The following ABLIM1 variants were observed in gnomAD, a reference collection of about 807,000 sequenced individuals.
The protein encoded by ABLIM1 is actin-binding LIM protein 1.
Under a neutral mutation model 107.0 loss-of-function variants are expected in ABLIM1, and 40 were observed. The observed-to-expected ratio is 0.37, with a 90% CI of 0.29 to 0.49. ABLIM1 has a LOEUF of 0.49. Among genes scored for constraint, ABLIM1 ranks in the 20% least tolerant of loss-of-function variants. The pLI is 0.97. For synonymous variants in ABLIM1, 357 were observed against 357.3 expected (o/e 1.00, Z 0.01); for missense variants, 857 against 1,008.5 (o/e 0.85, Z 2.04).
intron 6 of ABLIM1, among the ~76,000 whole-genome samples, chr10:114,522,548 C>A (rs1311800118): frequency 6.6e-6 from 1 of 152,088 alleles, no homozygotes; most frequent in Non-Finnish European, 1.5e-5. Context: ...CTGCACAGAA[C>A]CAAGACAATC....
At chr10:114,484,126 G>A (rs1406327467) in intron 8 of ABLIM1, among the ~76,000 whole-genome samples, 1 of 152,082 alleles carries the variant, frequency 6.6e-6, no homozygotes, top group Non-Finnish European at 1.5e-5. Flanking sequence ...CTGTCCCCTT[G>A]CAGTATAGCA....
chr10:114,793,151 CA>C, the ABLIM1 span, among the ~76,000 whole-genome samples: 1 of 151,622 alleles, frequency 6.6e-6, no homozygotes, highest in Admixed American at 6.6e-5. Flanking sequence ...GACACCATCT[CA>C]AAAAAAATAA....
intron 4 of ABLIM1, among the ~76,000 whole-genome samples, chr10:114,554,158 C>T (rs1188883935): frequency 6.6e-6 from 1 of 152,112 alleles, no homozygotes; most frequent in Non-Finnish European, 1.5e-5. Flanking sequence ...GAAAGAAGCA[C>T]AATAACGCCA....
chr10:114,579,875 A>C (rs1247604309), intron 2 of ABLIM1, among the ~76,000 whole-genome samples: 1 of 152,086 alleles, frequency 6.6e-6, no homozygotes, highest in Non-Finnish European at 1.5e-5. Context: ...ATTATCCAAA[A>C]CTTGTAAACA....
intron 6 of ABLIM1, chr10:114,502,478 C>A (rs906624971): frequency 2.0e-5 from 3 of 151,902 alleles, no homozygotes; most frequent in African/African-American, 4.8e-5. Flanking sequence ...AAGAGGTATG[C>A]CTTTTTAATT....
chr10:114,569,996 T>C (rs2071411818), intron 4 of ABLIM1, among the ~76,000 whole-genome samples: 1 of 152,246 alleles, frequency 6.6e-6, no homozygotes, highest in Non-Finnish European at 1.5e-5. Context: ...TTAACAAGTA[T>C]AACACTTCTC....
chr10:114,656,206 G>A (rs1220160304), intron 1 of ABLIM1, among the ~76,000 whole-genome samples: 1 of 143,482 alleles, frequency 7.0e-6, no homozygotes, highest in East Asian at 2.3e-4. Context: ...GGAGGCAGAG[G>A]TTGCAGTGAG....
At chr10:114,630,160 T>C (rs1043854201) in intron 1 of ABLIM1, among the ~76,000 whole-genome samples, 3 of 152,070 alleles carry the variant, frequency 2.0e-5, no homozygotes, top group African/African-American at 7.2e-5. Flanking sequence ...ATATATACCA[T>C]ATATAGCAAG....
chr10:114,533,967 C>T (rs1003912412), intron 6 of ABLIM1, among the ~76,000 whole-genome samples: 2 of 152,140 alleles, frequency 1.3e-5, no homozygotes, highest in African/African-American at 4.8e-5. Flanking sequence ...CATGAGCTAC[C>T]ACATCTGGCC....
intron 1 of ABLIM1, among the ~76,000 whole-genome samples, chr10:114,621,392 TA>T (rs927074383): frequency 2.6e-5 from 4 of 152,068 alleles, no homozygotes; most frequent in Non-Finnish European, 4.4e-5. Context: ...TATTAGAGTC[TA>T]AAAAAAATTT....
At chr10:114,591,106 A>G (rs1201430181) in intron 2 of ABLIM1, among the ~76,000 whole-genome samples, 1 of 152,226 alleles carries the variant, frequency 6.6e-6, no homozygotes, top group Non-Finnish European at 1.5e-5. Flanking sequence ...CTGTCTCACT[A>G]TATTTATGCA....
intron 6 of ABLIM1, among the ~76,000 whole-genome samples, chr10:114,500,583 G>A (rs971680172): frequency 2.0e-5 from 3 of 151,544 alleles, no homozygotes; most frequent in African/African-American, 4.9e-5. Context: ...GGGAGGCTGC[G>A]GTGGGAGGAT....
At chr10:114,617,386 C>T (rs917572773) in intron 1 of ABLIM1, among the ~76,000 whole-genome samples, 6 of 151,832 alleles carry the variant, frequency 4.0e-5, no homozygotes, top group African/African-American at 1.2e-4. Flanking sequence ...CTCAGCCTCC[C>T]GAGTAGCTGG....
chr10:114,577,040 A>G (rs559875182), intron 2 of ABLIM1, among the ~76,000 whole-genome samples: 1 of 152,226 alleles, frequency 6.6e-6, no homozygotes, highest in African/African-American at 2.4e-5. Flanking sequence ...GATTGGCCTC[A>G]TTCTGATTGC....
intron 1 of ABLIM1, among the ~76,000 whole-genome samples, chr10:114,722,397 C>G (rs2081867937): frequency 6.6e-6 from 1 of 152,170 alleles, no homozygotes; most frequent in South Asian, 2.1e-4. Flanking sequence ...AATCTGCCCC[C>G]ATGATCCAAT....
chr10:114,497,872 T>C (rs2059910445), intron 6 of ABLIM1, among the ~76,000 whole-genome samples: 1 of 152,232 alleles, frequency 6.6e-6, no homozygotes, highest in African/African-American at 2.4e-5. Context: ...TTGCCTTTAA[T>C]AGTGCTGGTT....
intron 6 of ABLIM1, among the ~76,000 whole-genome samples, chr10:114,527,553 T>C (rs1023090010): frequency 2.0e-5 from 3 of 152,140 alleles, no homozygotes; most frequent in Admixed American, 2.0e-4. Context: ...AGGCTCTCTA[T>C]GCATGTGAAC....
At chr10:114,516,297 G>A (rs1039699742) in intron 6 of ABLIM1, among the ~76,000 whole-genome samples, 2 of 152,164 alleles carry the variant, frequency 1.3e-5, no homozygotes, top group African/African-American at 4.8e-5. Context: ...GCCAAGGCAG[G>A]CAGATCACTT....
At chr10:114,550,833 T>G (rs182974471) in intron 4 of ABLIM1, among the ~76,000 whole-genome samples, 185 of 152,328 alleles carry the variant, frequency 1.2e-3, no homozygotes, top group African/African-American at 3.4e-3. Context: ...TTCTTTATTC[T>G]TCTAATTACA....
Sources: gnomAD v4.1 joint callset for allele counts (sites outside exome capture counted in the v4.1 genomes callset) on GRCh38, gnomAD v4.1.1 for gene constraint, MANE v1.5 for transcripts, NCBI Gene and HGNC (gene_info 2026-07-23, HGNC 2026-07-21) for gene names.